Variants in LRRC37A3 observed in about 807,000 individuals in gnomAD.
The protein encoded by LRRC37A3 is leucine rich repeat containing 37 member A3.
Under a neutral mutation model 106.2 loss-of-function variants are expected in LRRC37A3, and 25 were observed. That is an observed-to-expected ratio of 0.24 (90% CI 0.17 to 0.33). LRRC37A3 has a LOEUF of 0.33. Ranked by LOEUF, LRRC37A3 falls within the 10% of genes least tolerant of loss-of-function variation. The pLI, the probability that LRRC37A3 is intolerant of heterozygous loss-of-function variation, is 1.00. For missense variants in LRRC37A3, 712 were observed against 1,644.9 expected (o/e 0.43, Z 9.81); for synonymous variants, 305 against 635.8 (o/e 0.48, Z 7.83).
Position 64,854,453 on chromosome 17 carries a change from A to G in LRRC37A3, c.*146T>C. The G allele has an allele frequency of 8.6e-7, 1 of 1,166,024 alleles. No homozygotes were observed. Among genetic ancestry groups the G allele is most frequent in the Non-Finnish European group, 1.2e-6 (1 of 805,968 alleles). The allele number at this position is 1,166,024 out of a possible 1,614,324, so 72.2% of individuals were successfully genotyped here. On this transcript the variant is annotated 3_prime_UTR_variant, in exon 15 of 15. Coordinates refer to ENST00000584306, the MANE Select transcript of LRRC37A3 (RefSeq NM_199340.5). ...TCTGGGTGACTAATTAGACTGGGAA[A>G]CAAGGGCAGGAACGATGGCCCTGTG...
chr17:64,867,770 C>CA (rs1388500150), intron 10 of LRRC37A3, among the ~76,000 whole-genome samples: 1 of 151,606 alleles, frequency 6.6e-6, no homozygotes, highest in African/African-American at 2.4e-5. Context: ...AGCATAATCT[C>CA]AAAAAAAATT....
chr17:64,859,394 T>C (rs778945346), intron 12 of LRRC37A3, 48 bp downstream of exon 12: 3 of 1,244,588 alleles, frequency 2.4e-6, no homozygotes, highest in Non-Finnish European at 3.4e-6. Flanking sequence ...TCCTGGGATA[T>C]GCTAAATGAT....
intron 10 of LRRC37A3, among the ~76,000 whole-genome samples, chr17:64,863,819 T>G (rs543366993): frequency 3.7e-4 from 56 of 152,128 alleles, no homozygotes; most frequent in African/African-American, 1.2e-3. Flanking sequence ...AATTATTATT[T>G]TTTATTTTTA....
intron 2 of LRRC37A3, among the ~76,000 whole-genome samples, chr17:64,911,184 T>A (rs1473881050): frequency 1.3e-5 from 2 of 150,466 alleles, no homozygotes; most frequent in African/African-American, 4.9e-5. Flanking sequence ...TTTGCATTTT[T>A]AAATTTTCCC....
intron 10 of LRRC37A3, chr17:64,863,518 A>G (rs1972948894): frequency 6.3e-6 from 1 of 158,564 alleles, no homozygotes; most frequent in Admixed American, 6.2e-5. Flanking sequence ...AGCATTCAAA[A>G]GAATAACAAC....
At position 64,897,444 on chromosome 17, in the gene LRRC37A3, T is replaced by A; in HGVS notation, c.-187A>T. On this transcript the variant is annotated 5_prime_UTR_variant, in exon 4 of 15. Transcript: ENST00000584306. ...CTCTCCTCCCCTTAGTGAGGAAGGA[T>A]TTGGGCCTCAGATCCTGGTGGTCCC... 1 of 1,488,150 alleles carries A rather than the reference T, an allele frequency of 6.7e-7. No individual in the cohort carries two copies. Among genetic ancestry groups the A allele is most frequent in the Non-Finnish European group, 8.9e-7 (1 of 1,122,260 alleles). 92.2% of individuals were successfully genotyped at this position (1,488,150 alleles called of 1,614,324 possible). A position where few individuals can be genotyped will look rare whatever the true frequency, so the allele number is the denominator to read the frequency against.
At chr17:64,863,105 G>A in intron 10 of LRRC37A3, 87 bp from the exon 11 acceptor site, 3 of 1,553,516 alleles carry the variant, frequency 1.9e-6, no homozygotes, top group South Asian at 1.1e-5. Context: ...CCACAGGGGT[G>A]GGAAAAAGGT....
intron 13 of LRRC37A3, among the ~76,000 whole-genome samples, chr17:64,856,169 C>A (rs1349559583): frequency 6.6e-6 from 1 of 152,078 alleles, no homozygotes; most frequent in South Asian, 2.1e-4. Context: ...TTGCTTATAA[C>A]CAACACGCAT....
At chr17:64,876,926 A>C (rs1197353699) in intron 8 of LRRC37A3, 6 of 152,168 alleles carry the variant, frequency 3.9e-5, no homozygotes, top group African/African-American at 9.7e-5. Context: ...ACACACAAAA[A>C]ATTACAGACC....
At chr17:64,918,338 C>T (rs1401452105) in intron 2 of LRRC37A3, among the ~76,000 whole-genome samples, 4 of 150,508 alleles carry the variant, frequency 2.7e-5, no homozygotes, top group Non-Finnish European at 4.4e-5. Flanking sequence ...TTATAACTAA[C>T]ATTTGACATT....
chr17:64,875,262 G>C (rs1292120995), intron 8 of LRRC37A3, among the ~76,000 whole-genome samples: 2 of 152,140 alleles, frequency 1.3e-5, no homozygotes, highest in Non-Finnish European at 2.9e-5. Context: ...CTGGGTAACA[G>C]AGCAAGACCC....
In LRRC37A3 at chr17:64,854,255, G is replaced by T; in HGVS notation, c.*344C>A. 1 of 461,288 alleles carries T rather than the reference G, an allele frequency of 2.2e-6. No homozygotes were observed. The highest frequency in any genetic ancestry group is 2.5e-5 in the South Asian group (1 of 39,372). 28.6% of individuals were successfully genotyped at this position (461,288 alleles called of 1,614,324 possible). ...AAAAGACAGGGCTTGGCCCCACAGTGCAGGTAGGCCCAGTGATCCTATGAT... is the reference window on the plus strand; with the variant it reads ...AAAAGACAGGGCTTGGCCCCACAGTTCAGGTAGGCCCAGTGATCCTATGAT... On this transcript the variant is annotated 3_prime_UTR_variant, in exon 15 of 15. Coordinates refer to ENST00000584306, the MANE Select transcript of LRRC37A3 (RefSeq NM_199340.5).
chr17:64,860,230 G>A lies in LRRC37A3; in HGVS notation c.3916C>T (p.Arg1306Cys), dbSNP rs377433713. ...KPIVHSRKKY[R>C]FHKTRSRMTH... ...ATGCGGGAGCGAGTTTTGTGAAAGC[G>A]GTATTTTTTTCTGGAATGTACGATG... Residue 1306 changes from arginine (R) to cysteine (C), a missense_variant, in exon 12 of 15, where the codon CGC (arginine) becomes TGC (cysteine). By Grantham distance (180) the Arg-to-Cys change is radical. Transcript: ENST00000584306. 33 of 1,613,768 alleles carry A rather than the reference G, an allele frequency of 2.0e-5. No individual in the cohort carries two copies. Among genetic ancestry groups the A allele is most frequent in the South Asian group, 1.5e-4 (14 of 91,078 alleles).
At chr17:64,918,944 T>C in intron 1 of LRRC37A3, 74 bp from the exon 2 acceptor site, 1 of 1,022,010 alleles carries the variant, frequency 9.8e-7, no homozygotes, top group Non-Finnish European at 1.2e-6. Flanking sequence ...TTGACGGCCG[T>C]CCGGACCTGC....
intron 1 of LRRC37A3, 143 bp downstream of exon 1, chr17:64,919,288 A>T: frequency 1.3e-6 from 1 of 760,438 alleles, no homozygotes; most frequent in Non-Finnish European, 1.8e-6. Context: ...GAGAAGGGAA[A>T]GCGGCCGGGA....
Position 64,860,351 on chromosome 17 carries a change from T to C in LRRC37A3, c.3795A>G (p.Leu1265=), listed in dbSNP as rs760658738. ...APSTSSPAKA[L]PQVRDRWKDL... ...CTTTCCATCTGTCTCTCACCTGTGG[T>C]AGGGCTTTTGCAGGGCTGGAGGTAG... Residue 1265 remains leucine, a synonymous_variant, in exon 12 of 15, where the codon CTA becomes CTG. Coordinates refer to ENST00000584306, the MANE Select transcript of LRRC37A3 (RefSeq NM_199340.5). 1.2e-6 allele frequency: 2 copies of C among 1,613,856 alleles called. No individual in the cohort carries two copies. The highest frequency in any genetic ancestry group is 1.3e-5 in the African/African-American group (1 of 74,928).
At chr17:64,866,171 A>C (rs573275667) in intron 10 of LRRC37A3, among the ~76,000 whole-genome samples, 6 of 151,972 alleles carry the variant, frequency 3.9e-5, no homozygotes, top group Admixed American at 3.9e-4. Context: ...AATAATGGTC[A>C]AGAAAAAAGC....
chr17:64,866,624 A>AT (rs1567766768), intron 10 of LRRC37A3, among the ~76,000 whole-genome samples: 12 of 23,912 alleles, frequency 5.0e-4, no homozygotes, highest in African/African-American at 6.9e-4. Context: ...ATATATATAT[A>AT]TATATTTTTT....
At chr17:64,859,195 A>G (rs1180525922) in intron 12 of LRRC37A3, among the ~76,000 whole-genome samples, 1 of 151,830 alleles carries the variant, frequency 6.6e-6, no homozygotes, top group African/African-American at 2.4e-5. Context: ...CAAGTAATCC[A>G]CCCACCTTGG....
Sources: allele counts gnomAD v4.1 joint callset (sites outside exome capture counted in the v4.1 genomes callset), GRCh38; gene constraint gnomAD v4.1.1; transcripts MANE v1.5; gene names NCBI Gene and HGNC (gene_info 2026-07-23, HGNC 2026-07-21).